PLCXD3: variants seen among roughly 807,000 people sequenced by gnomAD.
The protein encoded by PLCXD3 is PI-PLC X domain-containing protein 3.
Under a neutral mutation model 25.5 loss-of-function variants are expected in PLCXD3, and 19 were observed. That is an observed-to-expected ratio of 0.75 (90% CI 0.52 to 1.09). The LOEUF (loss-of-function observed/expected upper bound fraction) is 1.09, where lower values mean the gene tolerates loss of function less well. PLCXD3 is among the 50% of genes least tolerant of loss of function. The pLI, the probability that PLCXD3 is intolerant of heterozygous loss-of-function variation, is 0.00. For missense variants in PLCXD3, 411 were observed against 388.1 expected (o/e 1.06, Z -0.50); for synonymous variants, 174 against 137.6 (o/e 1.26, Z -1.85).
intron 1 of PLCXD3, among the ~76,000 whole-genome samples, chr5:41,409,390 C>A (rs1452423058): frequency 6.6e-6 from 1 of 152,160 alleles, no homozygotes; most frequent in African/African-American, 2.4e-5. Context: ...TTAGCCCCTG[C>A]ACTTGGTAAT....
chr5:41,326,288 T>C (rs190730521), intron 2 of PLCXD3, among the ~76,000 whole-genome samples: 1 of 152,270 alleles, frequency 6.6e-6, no homozygotes, highest in East Asian at 1.9e-4. Context: ...GGAGAGATGT[T>C]GCCACAGTCT....
chr5:41,453,639 T>G (rs1229095122), intron 1 of PLCXD3, among the ~76,000 whole-genome samples: 1 of 152,032 alleles, frequency 6.6e-6, no homozygotes, highest in Admixed American at 6.6e-5. Flanking sequence ...AATAGTTACT[T>G]ATGTTTTATA....
intron 1 of PLCXD3, among the ~76,000 whole-genome samples, chr5:41,414,319 C>T (rs908875309): frequency 6.6e-6 from 1 of 152,246 alleles, no homozygotes; most frequent in South Asian, 2.1e-4. Flanking sequence ...ACCGCAACCT[C>T]CGCCTCACCA....
intron 1 of PLCXD3, among the ~76,000 whole-genome samples, chr5:41,472,256 C>T (rs1748182642): frequency 6.6e-6 from 1 of 151,978 alleles, no homozygotes; most frequent in African/African-American, 2.4e-5. Context: ...TCTGCCATCC[C>T]TTAAATTTTA....
intron 1 of PLCXD3, among the ~76,000 whole-genome samples, chr5:41,394,462 C>T (rs1458201418): frequency 2.0e-5 from 3 of 152,062 alleles, no homozygotes; most frequent in African/African-American, 4.8e-5. Context: ...TAAGTTCTTA[C>T]TAATCAATAA....
At chr5:41,321,750 A>G (rs1376763477) in intron 2 of PLCXD3, among the ~76,000 whole-genome samples, 1 of 152,242 alleles carries the variant, frequency 6.6e-6, no homozygotes, top group Non-Finnish European at 1.5e-5. Context: ...AGAAAATAAT[A>G]AATACAGAAG....
At chr5:41,340,659 CTT>C (rs1744113456) in intron 2 of PLCXD3, among the ~76,000 whole-genome samples, 1 of 152,136 alleles carries the variant, frequency 6.6e-6, no homozygotes, top group African/African-American at 2.4e-5. Flanking sequence ...AGGAAAGAGT[CTT>C]CTCCAAAGCA....
At chr5:41,360,210 C>T (rs2150484733) in intron 2 of PLCXD3, among the ~76,000 whole-genome samples, 1 of 152,080 alleles carries the variant, frequency 6.6e-6, no homozygotes, top group African/African-American at 2.4e-5. Flanking sequence ...TTTATTTATG[C>T]TTTCTATTTC....
At chr5:41,470,388 A>C (rs580418) in intron 1 of PLCXD3, among the ~76,000 whole-genome samples, 1 of 151,404 alleles carries the variant, frequency 6.6e-6, no homozygotes, top group Non-Finnish European at 1.5e-5. Flanking sequence ...TGAAAAAAAC[A>C]TAAGGTTTAG....
At chr5:41,467,310 T>G (rs1748040702) in intron 1 of PLCXD3, among the ~76,000 whole-genome samples, 1 of 152,220 alleles carries the variant, frequency 6.6e-6, no homozygotes, top group African/African-American at 2.4e-5. Context: ...TTAGTGATGA[T>G]GAGCATTTTC....
At chr5:41,453,546 G>C (rs751606162) in intron 1 of PLCXD3, among the ~76,000 whole-genome samples, 3 of 151,920 alleles carry the variant, frequency 2.0e-5, no homozygotes, top group Non-Finnish European at 4.4e-5. Context: ...TCGTGGTCAA[G>C]TTATTCACCT....
At chr5:41,334,902 T>C (rs1223609314) in intron 2 of PLCXD3, among the ~76,000 whole-genome samples, 1 of 152,178 alleles carries the variant, frequency 6.6e-6, no homozygotes, top group South Asian at 2.1e-4. Context: ...CCTCCTGGCG[T>C]GCAGGGACTA....
At chr5:41,479,729 A>AAGAG (rs951209823) in intron 1 of PLCXD3, among the ~76,000 whole-genome samples, 2 of 138,614 alleles carry the variant, frequency 1.4e-5, no homozygotes, top group Admixed American at 7.0e-5. Context: ...GAGAGAGAGA[A>AAGAG]AGAGAGAGAG....
At chr5:41,480,914 T>A (rs1748396546) in intron 1 of PLCXD3, among the ~76,000 whole-genome samples, 1 of 150,226 alleles carries the variant, frequency 6.7e-6, no homozygotes, top group Non-Finnish European at 1.5e-5. Context: ...CATCTCAAAA[T>A]AAATAAATAA....
At position 41,510,488 on chromosome 5, in the gene PLCXD3, G is replaced by C; in HGVS notation, c.39C>G (p.Ala13=). Residue 13 remains alanine, a synonymous_variant, in exon 1 of 3, where the codon GCC becomes GCG. Transcript: ENST00000377801. ...TCTCCGGCAGAGTTGCCATCCAGTC[G>C]GCTAATTTCAGCTCGTTTTTCCCCT... ...SSQGKNELKL[A]DWMATLPESM... is the part of the protein sequence containing the mutation. 1 of 1,613,216 alleles carries C rather than the reference G, an allele frequency of 6.2e-7. No individual in the cohort carries two copies. The highest frequency in any genetic ancestry group is 8.5e-7 in the Non-Finnish European group (1 of 1,179,564).
At chr5:41,496,704 A>G (rs2111568551) in intron 1 of PLCXD3, among the ~76,000 whole-genome samples, 1 of 151,846 alleles carries the variant, frequency 6.6e-6, no homozygotes, top group Non-Finnish European at 1.5e-5. Flanking sequence ...GATTCCATTA[A>G]GTTGAAATGA....
intron 2 of PLCXD3, among the ~76,000 whole-genome samples, chr5:41,314,164 C>T (rs543854833): frequency 1.8e-4 from 28 of 152,266 alleles, no homozygotes; most frequent in African/African-American, 6.7e-4. Context: ...ATTATGAACC[C>T]ACTATTATGA....
At chr5:41,327,712 T>C (rs1008001935) in intron 2 of PLCXD3, among the ~76,000 whole-genome samples, 1 of 152,238 alleles carries the variant, frequency 6.6e-6, no homozygotes, top group East Asian at 1.9e-4. Flanking sequence ...ATTTATAGAA[T>C]GGTCTACTTT....
At chr5:41,455,647 G>T (rs1400915276) in intron 1 of PLCXD3, among the ~76,000 whole-genome samples, 1 of 151,908 alleles carries the variant, frequency 6.6e-6, no homozygotes, top group African/African-American at 2.4e-5. Context: ...GCAGAAACAT[G>T]CCTTCAGAAA....
Sources: gnomAD v4.1 joint callset for allele counts (sites outside exome capture counted in the v4.1 genomes callset) on GRCh38, gnomAD v4.1.1 for gene constraint, MANE v1.5 for transcripts, NCBI Gene and HGNC (gene_info 2026-07-23, HGNC 2026-07-21) for gene names.